The following RNF111 variants were observed in gnomAD, a reference collection of about 807,000 sequenced individuals.
The protein encoded by RNF111 is ring finger protein 111.
A neutral mutation model predicts 95.1 loss-of-function variants in RNF111; 17 were observed. That is an observed-to-expected ratio of 0.18 (90% confidence interval 0.12 to 0.27). The LOEUF (loss-of-function observed/expected upper bound fraction) is 0.27. RNF111 is among the 10% of genes least tolerant of loss of function. The probability of loss-of-function intolerance (pLI) is 1.00; values close to 1 mark genes in which losing one functional copy is unlikely to be tolerated. For missense variants in RNF111, 1,189 were observed against 1,210.4 expected (o/e 0.98, Z 0.26); for synonymous variants, 440 against 414.8 (o/e 1.06, Z -0.74).
At chr15:59,018,715 A>G (rs1184817346) in intron 1 of RNF111, among the ~76,000 whole-genome samples, 1 of 152,202 alleles carries the variant, frequency 6.6e-6, no homozygotes, top group East Asian at 1.9e-4. Flanking sequence ...CTATAATAGC[A>G]GACTTACTTG....
Position 59,031,709 on chromosome 15 carries a change from A to T in RNF111, c.880+7A>T. 6.2e-7 allele frequency: 1 copy of T among 1,608,938 alleles called. No individual in the cohort carries two copies. The highest frequency in any genetic ancestry group is 1.1e-5 in the South Asian group (1 of 90,302). ...AATCCAGCTGTTCCCTCAGGTAAAA[A>T]TGTTTAAGCTGAGTAAAACATGGAA... On this transcript the variant is annotated splice_region_variant and intron_variant, in intron 2 of 13. Transcript: ENST00000348370.
chr15:59,000,163 C>CTTT (rs71425835), intron 1 of RNF111, among the ~76,000 whole-genome samples: 4 of 132,092 alleles, frequency 3.0e-5, no homozygotes, highest in Non-Finnish European at 4.8e-5. Flanking sequence ...TTTTTTTTCC[C>CTTT]TTTTTTTTTT....
At chr15:59,004,426 G>A (rs1273991745) in intron 1 of RNF111, among the ~76,000 whole-genome samples, 1 of 152,138 alleles carries the variant, frequency 6.6e-6, no homozygotes, top group African/African-American at 2.4e-5. Context: ...TTTTTATCTA[G>A]AATATGAAAT....
At chr15:59,002,373 A>C (rs1431730260) in intron 1 of RNF111, among the ~76,000 whole-genome samples, 1 of 152,176 alleles carries the variant, frequency 6.6e-6, no homozygotes, top group Non-Finnish European at 1.5e-5. Flanking sequence ...GGTATTTGGT[A>C]CTTTGTTATT....
At position 59,031,469 on chromosome 15, in the gene RNF111, T is replaced by C. The variant is rs567663832; in HGVS notation, c.647T>C (p.Phe216Ser). The change falls in exon 2 of 14, where the codon TTT (phenylalanine) becomes TCT (serine). Residue 216 changes from phenylalanine (F) to serine (S), a missense_variant. Transcript: ENST00000348370. ...CGGAGACTTCCATGCAGAAAGAGAT[T>C]TGTAAAAAATAATTCCTCACAGAGG... Reference protein sequence around the residue: ...SLRRLPCRKRFVKNNSSQRTQ... With the variant: ...SLRRLPCRKRSVKNNSSQRTQ... The C allele has an allele frequency of 3.0e-5, 49 of 1,614,144 alleles. No individual in the cohort carries two copies. In the Middle Eastern group the frequency reaches 6.6e-4, roughly 22 times the overall value.
chr15:59,038,734 A>T (rs1421504743), intron 2 of RNF111, among the ~76,000 whole-genome samples: 1 of 152,096 alleles, frequency 6.6e-6, no homozygotes, highest in Non-Finnish European at 1.5e-5. Context: ...CATTTCTGTA[A>T]ACTGGTAGGT....
chr15:59,009,193 AG>A (rs2039677230), intron 1 of RNF111, among the ~76,000 whole-genome samples: 1 of 152,110 alleles, frequency 6.6e-6, no homozygotes, highest in Non-Finnish European at 1.5e-5. Context: ...CTCTGACCTC[AG>A]GTGATCCGCC....
In RNF111 at chr15:59,080,826, C is replaced by G. The variant is rs180781974; in HGVS notation, c.1949-110C>G. ...TGAATACTTTACTTGATAAAGTATT[C>G]ATAAAAATAAAATACTAATATGTTT... On this transcript the variant is annotated intron_variant, in intron 7 of 13. Coordinates refer to ENST00000348370, the MANE Select transcript of RNF111 (RefSeq NM_017610.8). 70 of 848,970 alleles carry G rather than the reference C, an allele frequency of 8.2e-5. No homozygotes were observed. The African/African-American group carries it at 1.1e-3, about 13-fold the overall frequency. 52.6% of individuals were successfully genotyped at this position (848,970 alleles called of 1,614,324 possible).
At chr15:59,053,515 GCTTTTCCAC>G (rs2042078625) in intron 3 of RNF111, among the ~76,000 whole-genome samples, 1 of 152,132 alleles carries the variant, frequency 6.6e-6, no homozygotes, top group Admixed American at 6.5e-5. Context: ...CTTAGAACAT[GCTTTTCCAC>G]TTGCCATTTT....
At chr15:59,014,327 G>C (rs2039967921) in intron 1 of RNF111, among the ~76,000 whole-genome samples, 1 of 152,152 alleles carries the variant, frequency 6.6e-6, no homozygotes, top group South Asian at 2.1e-4. Flanking sequence ...TTTTATTGGA[G>C]AATGGTATTA....
intron 1 of RNF111, among the ~76,000 whole-genome samples, chr15:59,022,004 C>T (rs756149469): frequency 1.5e-4 from 22 of 151,676 alleles, no homozygotes; most frequent in Middle Eastern, 3.4e-3. Flanking sequence ...GAACTACAGG[C>T]GCGTGCCACC....
intron 7 of RNF111, among the ~76,000 whole-genome samples, chr15:59,076,670 G>C (rs2140139206): frequency 6.6e-6 from 1 of 152,302 alleles, no homozygotes; most frequent in South Asian, 2.1e-4. Context: ...GACCAGCCTA[G>C]GCAACATAGT....
chr15:59,033,060 T>A (rs1284923700), intron 2 of RNF111, among the ~76,000 whole-genome samples: 23 of 152,220 alleles, frequency 1.5e-4, no homozygotes, highest in African/African-American at 5.5e-4. Flanking sequence ...TGAAGAGCTG[T>A]CTGAACTGAG....
At chr15:59,051,355 G>A (rs1255046590) in intron 2 of RNF111, among the ~76,000 whole-genome samples, 7 of 152,022 alleles carry the variant, frequency 4.6e-5, no homozygotes, top group Non-Finnish European at 8.8e-5. Context: ...CTACTCGGGA[G>A]GCTGAGGCAG....
chr15:59,074,873 T>G (rs1274000286), intron 6 of RNF111, among the ~76,000 whole-genome samples: 1 of 152,200 alleles, frequency 6.6e-6, no homozygotes, highest in African/African-American at 2.4e-5. Context: ...ATGAGAGATG[T>G]GCAAATCTTC....
intron 8 of RNF111, among the ~76,000 whole-genome samples, chr15:59,083,535 CAA>C (rs760110284): frequency 1.0e-4 from 13 of 125,450 alleles, no homozygotes; most frequent in Admixed American, 2.5e-4. Context: ...ACTTCCTCTC[CAA>C]AAAAAAAAAA....
chr15:59,072,504 A>C (rs1471851667), intron 6 of RNF111, among the ~76,000 whole-genome samples: 8 of 121,508 alleles, frequency 6.6e-5, no homozygotes, highest in African/African-American at 2.7e-4. Flanking sequence ...CCCAGGCTGG[A>C]GTGCAGTGGC....
intron 2 of RNF111, among the ~76,000 whole-genome samples, chr15:59,042,781 C>T (rs2041529112): frequency 6.6e-6 from 1 of 152,196 alleles, no homozygotes; most frequent in Admixed American, 6.5e-5. Context: ...TCTTATTGCT[C>T]TGTCTGTCCA....
intron 2 of RNF111, among the ~76,000 whole-genome samples, chr15:59,037,049 C>T (rs969944663): frequency 6.6e-6 from 1 of 150,672 alleles, no homozygotes; most frequent in South Asian, 2.1e-4. Flanking sequence ...GTTGCCTAGG[C>T]TGGTCTCGAA....
Sources: allele counts gnomAD v4.1 joint callset (sites outside exome capture counted in the v4.1 genomes callset), GRCh38; gene constraint gnomAD v4.1.1; transcripts MANE v1.5; gene names NCBI Gene and HGNC (gene_info 2026-07-23, HGNC 2026-07-21).